PRKCA: variants seen among roughly 807,000 people sequenced by gnomAD.
The protein encoded by PRKCA is protein kinase C alpha.
A neutral mutation model predicts 87.0 loss-of-function variants in PRKCA; 27 were observed. The observed-to-expected ratio is 0.31, with a 90% CI of 0.23 to 0.43. The LOEUF (loss-of-function observed/expected upper bound fraction) is 0.43. PRKCA is among the 20% of genes least tolerant of loss of function. PRKCA has a pLI of 1.00. For missense variants in PRKCA, 518 were observed against 852.3 expected, an observed-to-expected ratio of 0.61 and a Z score of 4.88; for synonymous variants, 329 against 311.1, an observed-to-expected ratio of 1.06 and a Z score of -0.61.
intron 5 of PRKCA, among the ~76,000 whole-genome samples, chr17:66,668,229 C>T (rs1972090154): frequency 6.6e-6 from 1 of 152,210 alleles, no homozygotes; most frequent in Non-Finnish European, 1.5e-5. Context: ...TGTCTTCTCT[C>T]ATCTTTCCAT....
chr17:66,550,545 A>C (rs1968294111), intron 3 of PRKCA, among the ~76,000 whole-genome samples: 1 of 152,092 alleles, frequency 6.6e-6, no homozygotes, highest in African/African-American at 2.4e-5. Flanking sequence ...GCTACTCGGG[A>C]GGCTGAGGCA....
chr17:66,343,522 A>T, intron 2 of PRKCA, among the ~76,000 whole-genome samples: 1 of 152,094 alleles, frequency 6.6e-6, no homozygotes, highest in East Asian at 1.9e-4. Context: ...TCAGGTTTAG[A>T]AGTTCATTTG....
At chr17:66,593,372 C>A (rs2143551908) in intron 3 of PRKCA, among the ~76,000 whole-genome samples, 1 of 152,198 alleles carries the variant, frequency 6.6e-6, no homozygotes, top group Non-Finnish European at 1.5e-5. Context: ...ACTGTGTGTG[C>A]ATGGAAGTGG....
At chr17:66,359,180 G>C (rs1355682112) in intron 2 of PRKCA, among the ~76,000 whole-genome samples, 2 of 152,082 alleles carry the variant, frequency 1.3e-5, no homozygotes, top group African/African-American at 2.4e-5. Flanking sequence ...AAATTAAAAA[G>C]TGAATTTAGG....
intron 2 of PRKCA, among the ~76,000 whole-genome samples, chr17:66,338,224 T>C (rs1437402260): frequency 1.3e-5 from 2 of 152,174 alleles, no homozygotes; most frequent in African/African-American, 4.8e-5. Flanking sequence ...ATGTCTCGGC[T>C]GCAATAACCA....
intron 3 of PRKCA, among the ~76,000 whole-genome samples, chr17:66,506,309 T>A (rs1278397683): frequency 6.6e-6 from 1 of 151,364 alleles, no homozygotes; most frequent in Non-Finnish European, 1.5e-5. Context: ...AAAAAAAAAA[T>A]TATTTACTTG....
At chr17:66,491,159 C>T (rs895288553) in intron 2 of PRKCA, among the ~76,000 whole-genome samples, 1 of 152,218 alleles carries the variant, frequency 6.6e-6, no homozygotes, top group Non-Finnish European at 1.5e-5. Context: ...TCCGTCACTG[C>T]TGGGGAGCAG....
intron 8 of PRKCA, among the ~76,000 whole-genome samples, chr17:66,694,082 C>T (rs999733112): frequency 1.3e-5 from 2 of 152,126 alleles, no homozygotes; most frequent in African/African-American, 2.4e-5. Flanking sequence ...TAGTTGTTGT[C>T]AGGGAAGTAA....
intron 2 of PRKCA, among the ~76,000 whole-genome samples, chr17:66,402,664 C>T (rs1468394864): frequency 6.6e-6 from 1 of 151,980 alleles, no homozygotes; most frequent in Non-Finnish European, 1.5e-5. Context: ...CTGGGTGACA[C>T]CAGCAATAAG....
At chr17:66,427,353 A>G (rs1489484498) in intron 2 of PRKCA, among the ~76,000 whole-genome samples, 2 of 152,206 alleles carry the variant, frequency 1.3e-5, no homozygotes, top group East Asian at 3.8e-4. Flanking sequence ...TTGTAAATAA[A>G]GTTTTATTGG....
chr17:66,379,690 A>G (rs1273902513), intron 2 of PRKCA, among the ~76,000 whole-genome samples: 1 of 152,220 alleles, frequency 6.6e-6, no homozygotes, highest in African/African-American at 2.4e-5. Context: ...ACTTAGCAGC[A>G]TTTCATTGGT....
chr17:66,803,093 C>T lies in PRKCA; in HGVS notation c.1855-780C>T, dbSNP rs1053240387. On this transcript the variant is annotated intron_variant, in intron 16 of 16. Coordinates refer to ENST00000413366, the MANE Select transcript of PRKCA (RefSeq NM_002737.3). This position sits in a 1 kb window ranked among gnomAD's most constrained non-coding sequence, Gnocchi z 4.4. The stretch of plus-strand genomic sequence containing the variant: ...CTGCCTAAGCGGCTGTGTGTCTCAG[C>T]GACCCCAGTGCAACAGTTCTGCCTG... 2.0e-5 allele frequency among the ~76,000 whole-genome samples: 3 copies of T among 152,284 alleles called. No individual in the cohort carries two copies. Among genetic ancestry groups the T allele is most frequent in the South Asian group, 2.1e-4 (1 of 4,828 alleles).
At chr17:66,419,503 A>T (rs890930880) in intron 2 of PRKCA, among the ~76,000 whole-genome samples, 1 of 152,220 alleles carries the variant, frequency 6.6e-6, no homozygotes, top group Non-Finnish European at 1.5e-5. Context: ...AGCTGTTACT[A>T]AGGGTGCTAA....
chr17:66,512,009 C>G (rs2144176540), intron 3 of PRKCA, among the ~76,000 whole-genome samples: 1 of 152,232 alleles, frequency 6.6e-6, no homozygotes, highest in Middle Eastern at 3.4e-3. Flanking sequence ...GTCCATCCGG[C>G]AGCCAGACAA....
At chr17:66,373,736 A>G (rs1909242200) in intron 2 of PRKCA, among the ~76,000 whole-genome samples, 1 of 152,186 alleles carries the variant, frequency 6.6e-6, no homozygotes, top group Admixed American at 6.5e-5. Flanking sequence ...TAACCTTTGT[A>G]GGAAAGCGGC....
intron 8 of PRKCA, among the ~76,000 whole-genome samples, chr17:66,705,764 T>A (rs1182736351): frequency 6.6e-6 from 1 of 152,158 alleles, no homozygotes; most frequent in Non-Finnish European, 1.5e-5. Flanking sequence ...CGATGTCCAC[T>A]GGCACTAGCA....
At chr17:66,470,050 T>G (rs1056272704) in intron 2 of PRKCA, among the ~76,000 whole-genome samples, 5 of 152,040 alleles carry the variant, frequency 3.3e-5, no homozygotes, top group African/African-American at 1.2e-4. Flanking sequence ...TTCACTACTT[T>G]TTTTTTTAGT....
chr17:66,373,773 C>T (rs960606217), intron 2 of PRKCA, among the ~76,000 whole-genome samples: 3 of 152,188 alleles, frequency 2.0e-5, no homozygotes, highest in Non-Finnish European at 4.4e-5. Context: ...CCTGTTTTCA[C>T]GATCACTTTC....
chr17:66,456,534 T>G (rs1914582227), intron 2 of PRKCA, among the ~76,000 whole-genome samples: 1 of 152,172 alleles, frequency 6.6e-6, no homozygotes, highest in African/African-American at 2.4e-5. Flanking sequence ...CAGCCGTGGG[T>G]TTGGGGATGA....
Sources: allele counts gnomAD v4.1 joint callset (sites outside exome capture counted in the v4.1 genomes callset), GRCh38; gene constraint gnomAD v4.1.1; non-coding constraint Gnocchi (gnomAD v3.1); transcripts MANE v1.5; gene names NCBI Gene and HGNC (gene_info 2026-07-23, HGNC 2026-07-21).